Variants in OTUD7A observed in about 807,000 individuals in gnomAD.
The protein encoded by OTUD7A is OTU domain-containing protein 7A.
OTUD7A carries 12 observed loss-of-function variants against 65.7 expected under a neutral mutation model. The ratio of observed to expected loss-of-function variants is 0.18; its 90% CI spans 0.12 to 0.30. The LOEUF is 0.30. Among genes scored for constraint, OTUD7A ranks in the 10% least tolerant of loss-of-function variants. The pLI is 1.00. For synonymous variants in OTUD7A, 641 were observed against 586.3 expected (o/e 1.09, Z -1.35); for missense variants, 1,148 against 1,304.8 (o/e 0.88, Z 1.85).
chr15:31,582,655 C>A (rs897961819), intron 3 of OTUD7A, among the ~76,000 whole-genome samples: 1 of 151,566 alleles, frequency 6.6e-6, no homozygotes, highest in Non-Finnish European at 1.5e-5. Context: ...TTATTCACTA[C>A]CACAAGAACA....
intron 1 of OTUD7A, among the ~76,000 whole-genome samples, chr15:31,835,086 C>T (rs1044702858): frequency 6.6e-6 from 1 of 152,174 alleles, no homozygotes; most frequent in Non-Finnish European, 1.5e-5. Context: ...TGTTCATCTG[C>T]CAGGAAAAGA....
chr15:31,502,917 G>C (rs1320665751), intron 9 of OTUD7A, among the ~76,000 whole-genome samples: 1 of 152,224 alleles, frequency 6.6e-6, no homozygotes, highest in Non-Finnish European at 1.5e-5. Flanking sequence ...CTGTGATTTA[G>C]CGTGAAGAGC....
chr15:31,810,187 G>A (rs1264924630), intron 1 of OTUD7A, among the ~76,000 whole-genome samples: 1 of 152,172 alleles, frequency 6.6e-6, no homozygotes, highest in African/African-American at 2.4e-5. Context: ...ATAGTTCTAC[G>A]GAGCTGGGTC....
At chr15:31,493,744 T>C (rs568042624) in intron 10 of OTUD7A, among the ~76,000 whole-genome samples, 4 of 152,352 alleles carry the variant, frequency 2.6e-5, no homozygotes, top group East Asian at 1.9e-4. Context: ...AAACAGCCTG[T>C]TTCTAAATAA....
intron 1 of OTUD7A, among the ~76,000 whole-genome samples, chr15:31,694,901 A>G (rs1234466856): frequency 2.6e-5 from 4 of 151,274 alleles, no homozygotes; most frequent in Non-Finnish European, 5.9e-5. Context: ...GTTGGAGTGC[A>G]GTGGCGCGAT....
At chr15:31,870,057 C>T (rs1393851293) in intron 1 of OTUD7A, among the ~76,000 whole-genome samples, 1 of 150,668 alleles carries the variant, frequency 6.6e-6, no homozygotes, top group Non-Finnish European at 1.5e-5. Flanking sequence ...TCGCGCGCGG[C>T]TCGGGGCCGG....
intron 1 of OTUD7A, chr15:31,766,616 T>C: frequency 6.2e-7 from 1 of 1,607,990 alleles, no homozygotes. Flanking sequence ...TGATAATAAC[T>C]ATTCCTTCTT....
intron 3 of OTUD7A, among the ~76,000 whole-genome samples, chr15:31,637,725 G>A (rs1007371602): frequency 1.3e-5 from 2 of 152,222 alleles, no homozygotes; most frequent in African/African-American, 4.8e-5. Context: ...ACAGGAGTTT[G>A]TAAGAAATGG....
chr15:31,821,800 C>T (rs1454404156), intron 1 of OTUD7A, among the ~76,000 whole-genome samples: 1 of 152,222 alleles, frequency 6.6e-6, no homozygotes, highest in Non-Finnish European at 1.5e-5. Context: ...TTTGATTCTA[C>T]ACATCCTAGT....
intron 3 of OTUD7A, among the ~76,000 whole-genome samples, chr15:31,633,880 T>C (rs1384199245): frequency 6.6e-6 from 1 of 152,204 alleles, no homozygotes; most frequent in African/African-American, 2.4e-5. Flanking sequence ...TCCAGCGTGC[T>C]GCCCTCTTCT....
intron 1 of OTUD7A, among the ~76,000 whole-genome samples, chr15:31,702,571 C>T (rs1893235936): frequency 6.6e-6 from 1 of 150,936 alleles, no homozygotes; most frequent in South Asian, 2.1e-4. Context: ...GTATGCTGAA[C>T]ACCATAAAAC....
At chr15:31,607,033 G>A (rs879915298) in intron 3 of OTUD7A, among the ~76,000 whole-genome samples, 5 of 152,164 alleles carry the variant, frequency 3.3e-5, no homozygotes, top group Non-Finnish European at 7.3e-5. Flanking sequence ...GAATAACTAG[G>A]AAACATGGCA....
chr15:31,549,053 T>C (rs1658169489), intron 5 of OTUD7A, among the ~76,000 whole-genome samples: 1 of 151,442 alleles, frequency 6.6e-6, no homozygotes, highest in African/African-American at 2.4e-5. Context: ...GGAGAATCGC[T>C]TGAACCCGGG....
At chr15:31,648,461 GGGAAACT>G (rs1466882163) in intron 3 of OTUD7A, among the ~76,000 whole-genome samples, 2 of 152,108 alleles carry the variant, frequency 1.3e-5, no homozygotes, top group Admixed American at 1.3e-4. Context: ...CCTCAGACAG[GGGAAACT>G]GAGGACTGAG....
intron 3 of OTUD7A, among the ~76,000 whole-genome samples, chr15:31,626,951 T>TAA (rs35751275): frequency 4.0e-4 from 59 of 147,300 alleles, no homozygotes; most frequent in East Asian, 6.0e-4. Context: ...ACTTTATTGT[T>TAA]AAAAAAAAAA....
intron 1 of OTUD7A, among the ~76,000 whole-genome samples, chr15:31,824,331 C>A (rs1896751432): frequency 6.6e-6 from 1 of 152,190 alleles, no homozygotes; most frequent in Non-Finnish European, 1.5e-5. Flanking sequence ...GCAACACCTG[C>A]CGCTTTGCAA....
chr15:31,798,121 G>A (rs1373201752), intron 1 of OTUD7A, among the ~76,000 whole-genome samples: 1 of 152,000 alleles, frequency 6.6e-6, no homozygotes, highest in East Asian at 1.9e-4. Flanking sequence ...ATTTAAACAT[G>A]ATTACCTCTT....
chr15:31,812,025 C>T (rs530822579), intron 1 of OTUD7A, among the ~76,000 whole-genome samples: 1 of 152,208 alleles, frequency 6.6e-6, no homozygotes, highest in African/African-American at 2.4e-5. Flanking sequence ...ACCCAGCCTT[C>T]CCAGGGATGG....
At chr15:31,518,356 C>T (rs1008355330) in intron 8 of OTUD7A, among the ~76,000 whole-genome samples, 1 of 151,970 alleles carries the variant, frequency 6.6e-6, no homozygotes, top group Non-Finnish European at 1.5e-5. Context: ...GCCTGTAGTC[C>T]CAGCTACTCG....
Sources: allele counts gnomAD v4.1 joint callset (sites outside exome capture counted in the v4.1 genomes callset), GRCh38; gene constraint gnomAD v4.1.1; transcripts MANE v1.5; gene names NCBI Gene and HGNC (gene_info 2026-07-23, HGNC 2026-07-21).